TAF4: variants seen among roughly 807,000 people sequenced by gnomAD.
The protein encoded by TAF4 is transcription initiation factor TFIID subunit 4.
A neutral mutation model predicts 90.3 loss-of-function variants in TAF4; 9 were observed. The ratio of observed to expected loss-of-function variants is 0.10; its 90% CI spans 0.06 to 0.17. TAF4 has a LOEUF of 0.17. Ranked by LOEUF, TAF4 falls within the 10% of genes least tolerant of loss-of-function variation. The probability of loss-of-function intolerance (pLI) is 1.00; values close to 1 mark genes in which losing one functional copy is unlikely to be tolerated. For missense variants in TAF4, 1,351 were observed against 1,370.7 expected, an observed-to-expected ratio of 0.99 and a Z score of 0.23; for synonymous variants, 818 against 638.9, an observed-to-expected ratio of 1.28 and a Z score of -4.23.
chr20:62,027,237 G>A (rs577518519), intron 1 of TAF4, among the ~76,000 whole-genome samples: 2 of 152,102 alleles, frequency 1.3e-5, no homozygotes, highest in Admixed American at 6.5e-5. Flanking sequence ...AGCCAGCCTC[G>A]CAGCCCTGAG....
chr20:62,059,582 G>A (rs1036307759), intron 1 of TAF4, among the ~76,000 whole-genome samples: 1 of 152,214 alleles, frequency 6.6e-6, no homozygotes, highest in Non-Finnish European at 1.5e-5. Context: ...ACAGCACTCG[G>A]CACAGAAGGG....
At chr20:61,995,535 G>A (rs1332694970) in intron 14 of TAF4, among the ~76,000 whole-genome samples, 2 of 152,080 alleles carry the variant, frequency 1.3e-5, no homozygotes, top group Admixed American at 6.5e-5. Flanking sequence ...ACATGTAACT[G>A]GAGCCCCAGC....
rs1002734876 is a variant in TAF4, at chr20:62,000,451, G to A, written c.2656+101C>T. 5.1e-5 allele frequency: 75 copies of A among 1,457,182 alleles called. 1 individual carries two copies. Among genetic ancestry groups the A allele is most frequent in the Middle Eastern group, 1.8e-4 (1 of 5,572 alleles). 90.3% of individuals were successfully genotyped at this position (1,457,182 alleles called of 1,614,324 possible). The stretch of plus-strand genomic sequence containing the variant: ...CAACCATGTGGAAATCACAAACTCA[G>A]ACAAAACACATGACCAGGTGTCAGG... On this transcript the variant is annotated intron_variant, in intron 10 of 14. Coordinates refer to ENST00000252996, the MANE Select transcript of TAF4 (RefSeq NM_003185.4).
chr20:61,986,007 A>G (rs2055589379), intron 14 of TAF4, among the ~76,000 whole-genome samples: 1 of 146,088 alleles, frequency 6.8e-6, no homozygotes, highest in Non-Finnish European at 1.5e-5. Context: ...CCCCAACCAA[A>G]GGAAACACCA....
At chr20:61,997,848 T>G (rs2055672977) in intron 13 of TAF4, among the ~76,000 whole-genome samples, 179 bp from the exon 14 acceptor site, 1 of 152,232 alleles carries the variant, frequency 6.6e-6, no homozygotes, top group Admixed American at 6.5e-5. Context: ...TTTTTTTTAA[T>G]GCAACAGATG....
chr20:62,006,365 T>C lies in TAF4; in HGVS notation c.2223+145A>G. On this transcript the variant is annotated intron_variant, in intron 7 of 14. Coordinates refer to ENST00000252996, the MANE Select transcript of TAF4 (RefSeq NM_003185.4). The surrounding 1 kb of genome is among the most constrained non-coding windows in gnomAD (Gnocchi z 7.0). Reference sequence around the variant, plus strand: ...CAACCTCTGGTTTCTATTTTAACTATTTAAGGTAATACCCAAGCTTCCTCT... The same window carrying C: ...CAACCTCTGGTTTCTATTTTAACTACTTAAGGTAATACCCAAGCTTCCTCT... The C allele has an allele frequency of 2.7e-6, 3 of 1,112,676 alleles. No individual in the cohort carries two copies. Among genetic ancestry groups the C allele is most frequent in the African/African-American group, 1.6e-5 (1 of 61,700 alleles). The allele number at this position is 1,112,676 out of a possible 1,614,324, so 68.9% of individuals were successfully genotyped here. A position where few individuals can be genotyped will look rare whatever the true frequency, so the allele number is the denominator to read the frequency against.
In TAF4 at chr20:62,065,837, C is replaced by G; in HGVS notation, c.-27G>C. The G allele has an allele frequency of 8.0e-7, 1 of 1,255,088 alleles. No homozygotes were observed. The highest frequency in any genetic ancestry group is 1.4e-5 in the South Asian group (1 of 73,212). The allele number at this position is 1,255,088 out of a possible 1,614,324, so 77.7% of individuals were successfully genotyped here. ...TTTTTTCCTCGGCCGCCGCCGCCGC[C>G]GCCGCTCGGGCCGAGCGCGCCTGGG... On this transcript the variant is annotated 5_prime_UTR_variant, in exon 1 of 15. Transcript: ENST00000252996.
At chr20:61,996,321 T>A (rs1203617094) in intron 14 of TAF4, among the ~76,000 whole-genome samples, 1 of 151,444 alleles carries the variant, frequency 6.6e-6, no homozygotes, top group East Asian at 2.0e-4. Flanking sequence ...ATGTCGAGGC[T>A]ACAGTGAGCC....
At chr20:62,054,304 G>C (rs1376371891) in intron 1 of TAF4, among the ~76,000 whole-genome samples, 1 of 152,198 alleles carries the variant, frequency 6.6e-6, no homozygotes, top group African/African-American at 2.4e-5. Context: ...ACCTCTGTGA[G>C]CCTCAGCGTC....
At chr20:62,007,424 T>C (rs751316845) in intron 6 of TAF4, 123 bp downstream of exon 6, 6 of 873,114 alleles carry the variant, frequency 6.9e-6, no homozygotes, top group South Asian at 4.8e-5. Flanking sequence ...CCCACCCCCG[T>C]AGGCAGCACA....
At chr20:62,035,279 T>C (rs1440906462) in intron 1 of TAF4, among the ~76,000 whole-genome samples, 3 of 152,198 alleles carry the variant, frequency 2.0e-5, no homozygotes. Context: ...AGCAACAGAA[T>C]GGAGTATTAC....
chr20:61,988,067 A>G (rs911618003), intron 14 of TAF4, among the ~76,000 whole-genome samples: 15 of 152,128 alleles, frequency 9.9e-5, no homozygotes, highest in Admixed American at 3.3e-4. Context: ...GAGGGGAGGG[A>G]TGAACGGGCA....
intron 1 of TAF4, among the ~76,000 whole-genome samples, chr20:62,028,375 G>A (rs1022549547): frequency 2.0e-5 from 3 of 152,174 alleles, no homozygotes; most frequent in Admixed American, 6.5e-5. Flanking sequence ...GAAAAACATG[G>A]GTCAAACTTC....
intron 14 of TAF4, among the ~76,000 whole-genome samples, chr20:61,986,421 CCAAAGGAAACACCATCCCCAAT>C (rs1568922493): frequency 1.2e-3 from 47 of 39,648 alleles, no homozygotes; most frequent in African/African-American, 3.6e-3. Flanking sequence ...CCATCCCCAA[CCAAAGGAAACACCATCCCCAAT>C]CAAAGGAAAC....
In TAF4 at chr20:62,056,036, A is replaced by AGACC. The variant is rs370371518; in HGVS notation, c.1360+8411_1360+8414dup. On this transcript the variant is annotated intron_variant, in intron 1 of 14. Coordinates refer to ENST00000252996, the MANE Select transcript of TAF4 (RefSeq NM_003185.4). The stretch of plus-strand genomic sequence containing the variant: ...CGGAGCACTTGAGGTCAGGAGTTCG[A>AGACC]GACCAACCTGGCCAACAAGGTGAAA... Among the ~76,000 whole-genome samples, 1,322 of 152,324 alleles carry AGACC rather than the reference A, an allele frequency of 8.7e-3. 20 individuals carry two copies. The highest frequency in any genetic ancestry group is 0.03 in the African/African-American group (1,248 of 41,570).
At chr20:62,022,473 G>A (rs1210454828) in intron 1 of TAF4, among the ~76,000 whole-genome samples, 1 of 152,226 alleles carries the variant, frequency 6.6e-6, no homozygotes, top group African/African-American at 2.4e-5. Flanking sequence ...TGAAGCCTGA[G>A]GGTTTGCAGG....
intron 1 of TAF4, among the ~76,000 whole-genome samples, chr20:62,025,393 C>G (rs867321643): frequency 2.6e-4 from 39 of 152,286 alleles, no homozygotes; most frequent in Admixed American, 8.5e-4. Flanking sequence ...ATAATCACAC[C>G]GAGTTGAAGC....
chr20:62,022,866 C>A (rs538896638), intron 1 of TAF4, among the ~76,000 whole-genome samples: 18 of 152,082 alleles, frequency 1.2e-4, no homozygotes, highest in South Asian at 2.1e-4. Flanking sequence ...TTGCAGCCCC[C>A]CCCCCGCACA....
chr20:61,986,530 A>G (rs1404016489), intron 14 of TAF4, among the ~76,000 whole-genome samples: 1 of 152,212 alleles, frequency 6.6e-6, no homozygotes, highest in South Asian at 2.1e-4. Context: ...ACCATCCCCC[A>G]TCAAAGGAAA....
Sources: allele counts gnomAD v4.1 joint callset (sites outside exome capture counted in the v4.1 genomes callset), GRCh38; gene constraint gnomAD v4.1.1; non-coding constraint Gnocchi (gnomAD v3.1); transcripts MANE v1.5; gene names NCBI Gene and HGNC (gene_info 2026-07-23, HGNC 2026-07-21).